KPNA4: variants seen among roughly 807,000 people sequenced by gnomAD.
KPNA4 encodes karyopherin subunit alpha 4.
A neutral mutation model predicts 71.3 loss-of-function variants in KPNA4; 13 were observed. That is an observed-to-expected ratio of 0.18 (90% CI 0.12 to 0.29). The LOEUF is 0.29. Ranked by LOEUF, KPNA4 falls within the 10% of genes least tolerant of loss-of-function variation. The pLI is 1.00. For missense variants in KPNA4, 334 were observed against 603.2 expected (o/e 0.55, Z 4.67); for synonymous variants, 189 against 195.2 (o/e 0.97, Z 0.26).
At chr3:160,530,428 G>C (rs1462709381) in intron 7 of KPNA4, among the ~76,000 whole-genome samples, 1 of 152,150 alleles carries the variant, frequency 6.6e-6, no homozygotes, top group Non-Finnish European at 1.5e-5. Flanking sequence ...ACAGTGAGCT[G>C]AGATTGTGCC....
At chr3:160,548,241 T>C (rs771100921) in intron 1 of KPNA4, among the ~76,000 whole-genome samples, 2 of 152,176 alleles carry the variant, frequency 1.3e-5, no homozygotes, top group Non-Finnish European at 2.9e-5. Flanking sequence ...GGTGGTAATA[T>C]ATACATAACA....
intron 5 of KPNA4, among the ~76,000 whole-genome samples, chr3:160,533,920 A>G (rs776644933): frequency 6.6e-5 from 10 of 152,140 alleles, no homozygotes; most frequent in Non-Finnish European, 1.3e-4. Flanking sequence ...CCAATATTCA[A>G]CTCTGACAAT....
chr3:160,520,478 G>A (rs1282739095), intron 11 of KPNA4, among the ~76,000 whole-genome samples: 1 of 151,480 alleles, frequency 6.6e-6, no homozygotes, highest in Non-Finnish European at 1.5e-5. Context: ...GGCCAGGATG[G>A]TCTCAGTCTC....
At chr3:160,521,324 C>T (rs1398911283) in intron 11 of KPNA4, among the ~76,000 whole-genome samples, 1 of 152,216 alleles carries the variant, frequency 6.6e-6, no homozygotes, top group African/African-American at 2.4e-5. Flanking sequence ...TCCGGCCAGG[C>T]ATGGTGGTTC....
Position 160,499,237 on chromosome 3 carries a change from G to C in KPNA4, c.*2867C>G, listed in dbSNP as rs1232717670. ...ATTTCCACCATAACACACAATTACTGAAGTCTTTGAAAATTACAAAGGAAA... is the reference window on the plus strand; with the variant it reads ...ATTTCCACCATAACACACAATTACTCAAGTCTTTGAAAATTACAAAGGAAA... On this transcript the variant is annotated 3_prime_UTR_variant, in exon 17 of 17. Coordinates refer to ENST00000334256, the MANE Select transcript of KPNA4 (RefSeq NM_002268.5). The C allele has an allele frequency of 6.6e-6, 1 of 152,106 alleles. No individual in the cohort carries two copies. 9.4% of individuals were successfully genotyped at this position (152,106 alleles called of 1,614,324 possible). A position where few individuals can be genotyped will look rare whatever the true frequency, so the allele number is the denominator to read the frequency against.
At chr3:160,546,705 C>T (rs1194925423) in intron 1 of KPNA4, among the ~76,000 whole-genome samples, 3 of 151,900 alleles carry the variant, frequency 2.0e-5, no homozygotes, top group Non-Finnish European at 2.9e-5. Context: ...GTTCCGATAT[C>T]GCTCCCCACC....
At chr3:160,555,917 C>T (rs1402490449) in intron 1 of KPNA4, among the ~76,000 whole-genome samples, 1 of 152,178 alleles carries the variant, frequency 6.6e-6, no homozygotes, top group Non-Finnish European at 1.5e-5. Context: ...CTGCAACCTC[C>T]ACCTCCTGGG....
At chr3:160,556,795 CACA>C (rs1722146272) in intron 1 of KPNA4, among the ~76,000 whole-genome samples, 1 of 152,114 alleles carries the variant, frequency 6.6e-6, no homozygotes, top group Admixed American at 6.5e-5. Context: ...AAAAATTATT[CACA>C]ACATTAAGAG....
At chr3:160,524,340 T>G (rs1577052537) in intron 10 of KPNA4, among the ~76,000 whole-genome samples, 1 of 152,022 alleles carries the variant, frequency 6.6e-6, no homozygotes, top group East Asian at 1.9e-4. Context: ...GTTTTATTTA[T>G]TTATTTATTT....
intron 10 of KPNA4, among the ~76,000 whole-genome samples, chr3:160,524,038 T>C (rs1721412838): frequency 6.6e-6 from 1 of 152,224 alleles, no homozygotes; most frequent in South Asian, 2.1e-4. Flanking sequence ...ATACATGTTT[T>C]TAAAGGACAT....
Position 160,562,643 on chromosome 3 carries a change from G to A in KPNA4, c.69+2571C>T, listed in dbSNP as rs139590638. On this transcript the variant is annotated intron_variant, in intron 1 of 16. Transcript: ENST00000334256. ...TCATTACAAGCATATGTGATTTTGA[G>A]TAAGTCACAGTGTGGACAAAGTATG... is the stretch of plus-strand genomic sequence containing the variant. Among the ~76,000 whole-genome samples the A allele has an allele frequency of 1.3e-3, 198 of 152,292 alleles. 1 individual carries two copies. The highest frequency in any genetic ancestry group is 4.6e-3 in the African/African-American group (190 of 41,574).
intron 14 of KPNA4, among the ~76,000 whole-genome samples, chr3:160,508,673 C>A (rs932932456): frequency 6.6e-6 from 1 of 151,652 alleles, no homozygotes. Context: ...CACTATGTTG[C>A]GCAGGATTTA....
At chr3:160,560,337 T>C (rs947532807) in intron 1 of KPNA4, among the ~76,000 whole-genome samples, 3 of 152,204 alleles carry the variant, frequency 2.0e-5, no homozygotes, top group Middle Eastern at 3.4e-3. Flanking sequence ...GAGAGAAATG[T>C]GAATACAGTT....
At chr3:160,545,696 A>C (rs1382918510) in intron 1 of KPNA4, among the ~76,000 whole-genome samples, 1 of 152,224 alleles carries the variant, frequency 6.6e-6, no homozygotes, top group Non-Finnish European at 1.5e-5. Flanking sequence ...TTCTGATTTA[A>C]AAGAGAATTA....
chr3:160,517,756 T>A (rs1721257683), intron 11 of KPNA4, among the ~76,000 whole-genome samples: 1 of 151,622 alleles, frequency 6.6e-6, no homozygotes, highest in Non-Finnish European at 1.5e-5. Context: ...ATTTGTTATA[T>A]CTTCTTTAGA....
At chr3:160,561,661 T>C (rs1342115010) in intron 1 of KPNA4, among the ~76,000 whole-genome samples, 1 of 152,034 alleles carries the variant, frequency 6.6e-6, no homozygotes, top group East Asian at 1.9e-4. Context: ...ATTACAACTT[T>C]AAAAGGATCA....
chr3:160,506,022 A>C (rs1720975720), intron 15 of KPNA4, among the ~76,000 whole-genome samples: 1 of 152,164 alleles, frequency 6.6e-6, no homozygotes, highest in Non-Finnish European at 1.5e-5. Flanking sequence ...ATTTAAGAGA[A>C]AGCCCAAGTT....
In KPNA4 at chr3:160,495,526, A is replaced by AGAT. The variant is rs1461904913; in HGVS notation, c.*6575_*6577dup. The AGAT allele has an allele frequency of 3.3e-5, 5 of 151,810 alleles. No individual in the cohort carries two copies. Among genetic ancestry groups the AGAT allele is most frequent in the East Asian group, 1.9e-4 (1 of 5,170 alleles). 9.4% of individuals were successfully genotyped at this position (151,810 alleles called of 1,614,324 possible). ...GATCATCCTAAACTGGTTAAAAGGA[A>AGAT]GATTTTAAAAACTAGCTTGTCTATA... On this transcript the variant is annotated 3_prime_UTR_variant, in exon 17 of 17. Coordinates refer to ENST00000334256, the MANE Select transcript of KPNA4 (RefSeq NM_002268.5).
At chr3:160,519,989 A>G (rs1033983098) in intron 11 of KPNA4, among the ~76,000 whole-genome samples, 1 of 152,028 alleles carries the variant, frequency 6.6e-6, no homozygotes, top group African/African-American at 2.4e-5. Context: ...GTATAAGAAA[A>G]TCTCTATAAG....
Sources: gnomAD v4.1 joint callset for allele counts (sites outside exome capture counted in the v4.1 genomes callset) on GRCh38, gnomAD v4.1.1 for gene constraint, MANE v1.5 for transcripts, NCBI Gene and HGNC (gene_info 2026-07-23, HGNC 2026-07-21) for gene names.